The following RORA variants were observed in gnomAD, a reference collection of about 807,000 sequenced individuals.
The protein encoded by RORA is RAR related orphan receptor A.
A neutral mutation model predicts 69.5 loss-of-function variants in RORA; 7 were observed. That is an observed-to-expected ratio of 0.10 (90% CI 0.06 to 0.19). The LOEUF (loss-of-function observed/expected upper bound fraction) is 0.19, where lower values mean the gene tolerates loss of function less well. RORA is among the 10% of genes least tolerant of loss of function. The probability of loss-of-function intolerance (pLI) is 1.00; values close to 1 mark genes in which losing one functional copy is unlikely to be tolerated. For synonymous variants in RORA, 261 were observed against 240.8 expected, an observed-to-expected ratio of 1.08 and a Z score of -0.78; for missense variants, 457 against 663.0, an observed-to-expected ratio of 0.69 and a Z score of 3.41.
chr15:60,746,229 G>A (rs1325230862), intron 1 of RORA, among the ~76,000 whole-genome samples: 1 of 152,124 alleles, frequency 6.6e-6, no homozygotes, highest in East Asian at 1.9e-4. Flanking sequence ...CATCCCAAAA[G>A]GTGTTAAGTT....
intron 1 of RORA, among the ~76,000 whole-genome samples, chr15:61,112,331 A>T (rs2079013721): frequency 6.6e-6 from 1 of 152,158 alleles, no homozygotes; most frequent in Non-Finnish European, 1.5e-5. Context: ...AAAGTCTGAG[A>T]AGCCTTGCTC....
chr15:61,075,771 C>T (rs1413422834), intron 1 of RORA, among the ~76,000 whole-genome samples: 8 of 152,210 alleles, frequency 5.3e-5, no homozygotes, highest in Non-Finnish European at 1.2e-4. Flanking sequence ...TATACCACAG[C>T]TGCTTAGATT....
intron 2 of RORA, among the ~76,000 whole-genome samples, chr15:60,595,694 A>G (rs949932882): frequency 6.6e-6 from 1 of 151,988 alleles, no homozygotes; most frequent in Non-Finnish European, 1.5e-5. Flanking sequence ...TGAAAAAAAA[A>G]AAAAAGTAAA....
At chr15:61,203,094 A>G (rs2079909832) in intron 1 of RORA, among the ~76,000 whole-genome samples, 1 of 152,240 alleles carries the variant, frequency 6.6e-6, no homozygotes, top group African/African-American at 2.4e-5. Flanking sequence ...TATTTTTAAG[A>G]AGTTTTAAAG....
intron 1 of RORA, among the ~76,000 whole-genome samples, chr15:61,068,301 CTAACCAATGCT>C (rs60633469): frequency 0.15 from 23,406 of 152,130 alleles, 1,918 homozygotes; most frequent in East Asian, 0.2. Flanking sequence ...TGGATTAGCT[CTAACCAATGCT>C]TAACGGTGTG....
chr15:60,527,079 T>C (rs531352707), intron 3 of RORA, among the ~76,000 whole-genome samples: 1 of 152,368 alleles, frequency 6.6e-6, no homozygotes, highest in East Asian at 1.9e-4. Context: ...TAAGTGTATA[T>C]TGGACAAATG....
At chr15:61,152,243 A>G (rs2079403961) in intron 1 of RORA, among the ~76,000 whole-genome samples, 1 of 152,142 alleles carries the variant, frequency 6.6e-6, no homozygotes, top group Non-Finnish European at 1.5e-5. Flanking sequence ...AAGCTTCCCC[A>G]ACTCCTAAAC....
intron 1 of RORA, among the ~76,000 whole-genome samples, chr15:61,008,545 A>T (rs557397827): frequency 6.6e-6 from 1 of 152,242 alleles, no homozygotes; most frequent in African/African-American, 2.4e-5. Flanking sequence ...AATTTGACTC[A>T]CAGAAGGAAA....
chr15:60,676,640 G>A lies in RORA; in HGVS notation c.196+2017C>T, dbSNP rs560024897. The stretch of plus-strand genomic sequence containing the variant: ...AGGCACTCAAAGTCCACCCTGTGTG[G>A]CTATATCTTGATTTTGCATTAAAGC... On this transcript the variant is annotated intron_variant, in intron 2 of 10. Coordinates refer to ENST00000335670, the MANE Select transcript of RORA (RefSeq NM_134261.3). 2.0e-5 allele frequency among the ~76,000 whole-genome samples: 3 copies of A among 152,258 alleles called. No individual in the cohort carries two copies. In the South Asian group the frequency reaches 6.2e-4, roughly 32 times the overall value.
rs2065186859 is a variant in RORA, at chr15:60,497,106, G to A, written c.*349C>T. 5.3e-6 allele frequency: 1 copy of A among 187,414 alleles called. No homozygotes were observed. Among genetic ancestry groups the A allele is most frequent in the Non-Finnish European group, 1.1e-5 (1 of 90,612 alleles). The allele number at this position is 187,414 out of a possible 1,614,324, so 11.6% of individuals were successfully genotyped here. A position where few individuals can be genotyped will look rare whatever the true frequency, so the allele number is the denominator to read the frequency against. ...GCTGGACTCTCTGTTGTTACTGACA[G>A]ATTGGTGACTCTGTAGAAAGTCTGT... On this transcript the variant is annotated 3_prime_UTR_variant, in exon 11 of 11. Coordinates refer to ENST00000335670, the MANE Select transcript of RORA (RefSeq NM_134261.3).
chr15:60,543,105 C>T (rs2066948638), intron 2 of RORA, among the ~76,000 whole-genome samples: 3 of 150,926 alleles, frequency 2.0e-5, no homozygotes, highest in Non-Finnish European at 4.4e-5. Flanking sequence ...TACACAGAAC[C>T]CACCAGCGCA....
At chr15:60,643,689 C>T (rs1025276764) in intron 2 of RORA, among the ~76,000 whole-genome samples, 1 of 152,168 alleles carries the variant, frequency 6.6e-6, no homozygotes, top group Non-Finnish European at 1.5e-5. Context: ...TTTTCTCCTT[C>T]CTTCTTTCCT....
At chr15:60,673,552 C>T (rs2070507515) in intron 2 of RORA, among the ~76,000 whole-genome samples, 1 of 152,108 alleles carries the variant, frequency 6.6e-6, no homozygotes, top group Non-Finnish European at 1.5e-5. Context: ...TAAATTTTTG[C>T]CTTTTGCTTT....
intron 1 of RORA, among the ~76,000 whole-genome samples, chr15:60,700,235 C>G (rs969561242): frequency 6.6e-6 from 1 of 152,322 alleles, no homozygotes; most frequent in South Asian, 2.1e-4. Flanking sequence ...AACAACCCCT[C>G]TTTATTACTC....
At chr15:60,876,318 G>A (rs1427398791) in intron 1 of RORA, among the ~76,000 whole-genome samples, 4 of 150,468 alleles carry the variant, frequency 2.7e-5, no homozygotes, top group African/African-American at 4.9e-5. Context: ...AAGTGGGGGG[G>A]GGGGGGGGCG....
chr15:61,205,743 T>C (rs2079935647), intron 1 of RORA, among the ~76,000 whole-genome samples: 1 of 152,094 alleles, frequency 6.6e-6, no homozygotes, highest in Non-Finnish European at 1.5e-5. Flanking sequence ...ACTGCACAAC[T>C]CCAAGGAGCT....
chr15:60,755,355 G>A (rs1344262982), intron 1 of RORA, among the ~76,000 whole-genome samples: 3 of 151,966 alleles, frequency 2.0e-5, no homozygotes, highest in Non-Finnish European at 4.4e-5. Flanking sequence ...TGGTGTATAT[G>A]TGCCACATTT....
At chr15:61,053,968 A>G (rs77554098) in intron 1 of RORA, among the ~76,000 whole-genome samples, 7,487 of 150,758 alleles carry the variant, frequency 0.05, 465 homozygotes, top group African/African-American at 0.15. Context: ...CTCCAAAGCT[A>G]TTTCTTGAAA....
chr15:60,829,849 A>T (rs2140389651), intron 1 of RORA, among the ~76,000 whole-genome samples: 1 of 152,350 alleles, frequency 6.6e-6, no homozygotes, highest in South Asian at 2.1e-4. Context: ...ACACCAGAAG[A>T]CAATTAACAT....
Sources: allele counts gnomAD v4.1 joint callset (sites outside exome capture counted in the v4.1 genomes callset), GRCh38; gene constraint gnomAD v4.1.1; transcripts MANE v1.5; gene names NCBI Gene and HGNC (gene_info 2026-07-23, HGNC 2026-07-21).